The following MYCT1 variants were observed in gnomAD, a reference collection of about 807,000 sequenced individuals.
MYCT1 encodes the protein MYC target 1, also known as myc target protein 1.
Under a neutral mutation model 15.0 loss-of-function variants are expected in MYCT1, and 12 were observed. That is an observed-to-expected ratio of 0.80 (90% CI 0.51 to 1.29). The LOEUF (loss-of-function observed/expected upper bound fraction) is 1.29, where lower values mean the gene tolerates loss of function less well. MYCT1 is among the 50% of genes most tolerant of loss of function. The probability of loss-of-function intolerance (pLI) is 0.00; values close to 1 mark genes in which losing one functional copy is unlikely to be tolerated. For missense variants in MYCT1, 287 were observed against 279.1 expected (o/e 1.03, Z -0.20); for synonymous variants, 104 against 102.7 (o/e 1.01, Z -0.07).
At chr6:152,715,631 A>G (rs2099723500) in intron 1 of MYCT1, among the ~76,000 whole-genome samples, 1 of 152,236 alleles carries the variant, frequency 6.6e-6, no homozygotes, top group Non-Finnish European at 1.5e-5. Flanking sequence ...AAAAACAAGA[A>G]TTCCATTTAG....
the MYCT1 span, among the ~76,000 whole-genome samples, chr6:152,739,638 CT>C: frequency 1.3e-5 from 2 of 151,754 alleles, no homozygotes; most frequent in African/African-American, 4.8e-5. Context: ...ATCGTTTCTC[CT>C]TTTTTTAGGC....
chr6:152,740,451 A>G, the MYCT1 span, among the ~76,000 whole-genome samples: 1 of 152,224 alleles, frequency 6.6e-6, no homozygotes, highest in Non-Finnish European at 1.5e-5. Context: ...CTGTTTAACC[A>G]TATAGAATTT....
At chr6:152,708,551 T>C (rs191043725) in intron 1 of MYCT1, among the ~76,000 whole-genome samples, 34 of 152,152 alleles carry the variant, frequency 2.2e-4, no homozygotes, top group African/African-American at 7.7e-4. Flanking sequence ...ATCAAGCTAA[T>C]AGATTTATTT....
intron 1 of MYCT1, among the ~76,000 whole-genome samples, chr6:152,699,231 T>C (rs1339631074): frequency 6.6e-6 from 1 of 152,186 alleles, no homozygotes; most frequent in African/African-American, 2.4e-5. Context: ...ACTCCAGTCC[T>C]TTAACCTATG....
chr6:152,731,875 A>G, the MYCT1 span, among the ~76,000 whole-genome samples: 1 of 151,870 alleles, frequency 6.6e-6, no homozygotes, highest in East Asian at 1.9e-4. Context: ...AGCCTCCCAA[A>G]TAGCTGGGAC....
intron 1 of MYCT1, among the ~76,000 whole-genome samples, chr6:152,712,743 T>C (rs1278279392): frequency 6.6e-6 from 1 of 152,164 alleles, no homozygotes; most frequent in African/African-American, 2.4e-5. Flanking sequence ...TAAAATCACT[T>C]TAAAATATCA....
the MYCT1 span, among the ~76,000 whole-genome samples, chr6:152,745,553 C>A: frequency 6.6e-6 from 1 of 152,174 alleles, no homozygotes; most frequent in African/African-American, 2.4e-5. Context: ...TCTGTCATTT[C>A]AAATGTTGTC....
At chr6:152,720,384 A>G (rs1164973177) in intron 1 of MYCT1, among the ~76,000 whole-genome samples, 1 of 151,992 alleles carries the variant, frequency 6.6e-6, no homozygotes, top group Non-Finnish European at 1.5e-5. Context: ...AATAGACTCT[A>G]TCTCTTGATG....
the MYCT1 span, among the ~76,000 whole-genome samples, chr6:152,738,884 T>C: frequency 6.6e-6 from 1 of 152,152 alleles, no homozygotes; most frequent in South Asian, 2.1e-4. Flanking sequence ...AAAAAATATA[T>C]AATGCATCAC....
the MYCT1 span, among the ~76,000 whole-genome samples, chr6:152,733,343 T>C: frequency 1.3e-5 from 2 of 152,258 alleles, no homozygotes; most frequent in African/African-American, 4.8e-5. Context: ...GCTCAAGCAA[T>C]CTGCCTGCCT....
chr6:152,745,468 GA>G, the MYCT1 span, among the ~76,000 whole-genome samples: 1 of 151,786 alleles, frequency 6.6e-6, no homozygotes, highest in South Asian at 2.1e-4. Flanking sequence ...AAGTCTAGGG[GA>G]AAAAAAGTTT....
intron 1 of MYCT1, among the ~76,000 whole-genome samples, chr6:152,703,825 A>G (rs2099721737): frequency 6.6e-6 from 1 of 152,076 alleles, no homozygotes; most frequent in Admixed American, 6.6e-5. Flanking sequence ...CATATTTAGG[A>G]TCCATAACTG....
intron 1 of MYCT1, among the ~76,000 whole-genome samples, chr6:152,698,746 G>A (rs1471571050): frequency 3.3e-5 from 5 of 152,120 alleles, no homozygotes; most frequent in Non-Finnish European, 7.4e-5. Flanking sequence ...ATAACATCAC[G>A]TGTAACATTC....
chr6:152,738,265 T>TA, the MYCT1 span, among the ~76,000 whole-genome samples: 3 of 152,138 alleles, frequency 2.0e-5, no homozygotes, highest in African/African-American at 7.2e-5. Flanking sequence ...ATTATAGACA[T>TA]ATGATTAACA....
chr6:152,727,885 C>T (rs1018272639), downstream of MYCT1, among the ~76,000 whole-genome samples: 19 of 152,118 alleles, frequency 1.2e-4, no homozygotes, highest in African/African-American at 4.3e-4. Flanking sequence ...GGCTTCAGGC[C>T]GGGTGTGGTG....
chr6:152,721,676 T>C, intron 1 of MYCT1, 66 bp from the exon 2 acceptor site: 1 of 1,447,898 alleles, frequency 6.9e-7, no homozygotes, highest in East Asian at 2.3e-5. Flanking sequence ...GTATATATGC[T>C]GACCCTTGTT....
chr6:152,745,483 T>G, the MYCT1 span, among the ~76,000 whole-genome samples: 1 of 152,132 alleles, frequency 6.6e-6, no homozygotes, highest in Non-Finnish European at 1.5e-5. Flanking sequence ...AAAGTTTAAC[T>G]TGATCATTTC....
the MYCT1 span, among the ~76,000 whole-genome samples, chr6:152,733,992 A>G: frequency 1.7e-3 from 263 of 152,144 alleles, 2 homozygotes; most frequent in African/African-American, 6.0e-3. Context: ...GCATACAGAC[A>G]GTCTTGCCTC....
the MYCT1 span, among the ~76,000 whole-genome samples, chr6:152,731,051 ACT>A: frequency 6.6e-6 from 1 of 152,220 alleles, no homozygotes; most frequent in African/African-American, 2.4e-5. Flanking sequence ...AAAATAGATT[ACT>A]GTCTTTATAA....
Sources: allele counts gnomAD v4.1 joint callset (sites outside exome capture counted in the v4.1 genomes callset), GRCh38; gene constraint gnomAD v4.1.1; transcripts MANE v1.5; gene names NCBI Gene and HGNC (gene_info 2026-07-23, HGNC 2026-07-21).